TCF4: variants seen among roughly 807,000 people sequenced by gnomAD.
TCF4 encodes the protein SL3-3 enhancer factor 2.
A neutral mutation model predicts 82.1 loss-of-function variants in TCF4; 3 were observed. That is an observed-to-expected ratio of 0.04 (90% confidence interval 0.02 to 0.09). The LOEUF is 0.09. Ranked by LOEUF, TCF4 falls within the 10% of genes least tolerant of loss-of-function variation. TCF4 has a pLI of 1.00. For missense variants in TCF4, 518 were observed against 852.7 expected, an observed-to-expected ratio of 0.61 and a Z score of 4.89; for synonymous variants, 276 against 309.6, an observed-to-expected ratio of 0.89 and a Z score of 1.14.
At chr18:55,316,698 C>T (rs1275816675) in intron 8 of TCF4, among the ~76,000 whole-genome samples, 1 of 151,996 alleles carries the variant, frequency 6.6e-6, no homozygotes, top group Admixed American at 6.6e-5. Flanking sequence ...GATTCTTCAG[C>T]ACAATTTCCT....
Position 55,480,299 on chromosome 18 carries a change from G to C in TCF4, c.146-16162C>G, listed in dbSNP as rs556645265. On this transcript the variant is annotated intron_variant, in intron 3 of 19. Coordinates refer to ENST00000354452, the MANE Select transcript of TCF4 (RefSeq NM_001083962.2). ...TCCAAAAAAAAAAAAAAAAAAAAGCGGGGGGGCGGGGGGAGGATATTATGT... is the reference window on the plus strand; with the variant it reads ...TCCAAAAAAAAAAAAAAAAAAAAGCCGGGGGGCGGGGGGAGGATATTATGT... Among the ~76,000 whole-genome samples the C allele has an allele frequency of 3.5e-4, 38 of 107,776 alleles. 3 individuals carry two copies. The highest frequency in any genetic ancestry group is 1.2e-3 in the African/African-American group (36 of 28,822). 70.7% of individuals were successfully genotyped at this position (107,776 alleles called of 152,430 possible).
intron 8 of TCF4, chr18:55,322,361 C>T (rs2075791097): frequency 9.8e-7 from 1 of 1,019,100 alleles, no homozygotes; most frequent in South Asian, 4.7e-5. Context: ...CTGGCTAGCT[C>T]CCAGCATTGT....
intron 15 of TCF4, among the ~76,000 whole-genome samples, chr18:55,248,980 A>G (rs1237641124): frequency 1.3e-5 from 2 of 152,064 alleles, no homozygotes; most frequent in Non-Finnish European, 2.9e-5. Flanking sequence ...CCTGACCTCG[A>G]GTGATCCACC....
chr18:55,300,572 C>T (rs1042130130), intron 8 of TCF4, among the ~76,000 whole-genome samples: 2 of 152,132 alleles, frequency 1.3e-5, no homozygotes, highest in African/African-American at 4.8e-5. Flanking sequence ...CCTGCAATTG[C>T]TGCAATCAAA....
intron 8 of TCF4, among the ~76,000 whole-genome samples, chr18:55,328,558 C>A (rs1319023265): frequency 6.6e-6 from 1 of 152,168 alleles, no homozygotes; most frequent in Admixed American, 6.5e-5. Flanking sequence ...CTAGATGAAG[C>A]TGGTTAGCGA....
At chr18:55,492,659 C>T (rs139584682) in intron 3 of TCF4, among the ~76,000 whole-genome samples, 280 of 152,314 alleles carry the variant, frequency 1.8e-3, no homozygotes, top group African/African-American at 5.8e-3. Context: ...CTCAAGTCTC[C>T]TGACTTCTTA....
At chr18:55,437,490 C>T (rs898915059) in intron 5 of TCF4, among the ~76,000 whole-genome samples, 1 of 152,088 alleles carries the variant, frequency 6.6e-6, no homozygotes, top group African/African-American at 2.4e-5. Context: ...TTTTTGCACA[C>T]AAATATCTTA....
Position 55,587,940 on chromosome 18 carries a change from G to T in TCF4, c.-21+98C>A, listed in dbSNP as rs1202031411. ...GAGCGCCGGGCGCCGGGAGCCCGCGGCGCGGGAGGCGCGGAGCCGCGTGCG... is the reference window on the plus strand; with the variant it reads ...GAGCGCCGGGCGCCGGGAGCCCGCGTCGCGGGAGGCGCGGAGCCGCGTGCG... On this transcript the variant is annotated intron_variant, in intron 1 of 19. Transcript: ENST00000354452. The T allele has an allele frequency of 8.0e-4, 752 of 939,766 alleles. 20 individuals are homozygous for T. The South Asian group carries it at 0.033, about 41-fold the overall frequency. The allele number at this position is 939,766 out of a possible 1,614,324, so 58.2% of individuals were successfully genotyped here. A position where few individuals can be genotyped will look rare whatever the true frequency, so the allele number is the denominator to read the frequency against.
chr18:55,381,410 C>CT (rs1215945775), intron 6 of TCF4, among the ~76,000 whole-genome samples: 1 of 152,238 alleles, frequency 6.6e-6, no homozygotes, highest in Non-Finnish European at 1.5e-5. Context: ...AGCTTTTAAG[C>CT]TAAGCTTGCT....
intron 6 of TCF4, among the ~76,000 whole-genome samples, chr18:55,365,176 T>TCC (rs2086571312): frequency 7.7e-6 from 1 of 129,416 alleles, no homozygotes; most frequent in Non-Finnish European, 1.6e-5. Context: ...TATATATATA[T>TCC]ATATATATAT....
intron 5 of TCF4, among the ~76,000 whole-genome samples, chr18:55,415,931 A>T (rs921905130): frequency 6.6e-6 from 1 of 152,218 alleles, no homozygotes; most frequent in Non-Finnish European, 1.5e-5. Context: ...CAAATCTATT[A>T]ATTAACTTTT....
At chr18:55,621,650 T>TTATATAATATTA (rs2097719768) in intron 2 of TCF4, among the ~76,000 whole-genome samples, 1 of 74,218 alleles carries the variant, frequency 1.3e-5, no homozygotes, top group African/African-American at 5.2e-5. Context: ...ATAATATACA[T>TTATATAATATTA]TATATAATAT....
At chr18:55,565,080 G>A (rs1472989653) in intron 3 of TCF4, among the ~76,000 whole-genome samples, 1 of 152,190 alleles carries the variant, frequency 6.6e-6, no homozygotes, top group Non-Finnish European at 1.5e-5. Flanking sequence ...GTGTTGTGCA[G>A]AATCTAGAAG....
intron 6 of TCF4, among the ~76,000 whole-genome samples, chr18:55,398,277 A>G (rs1345657420): frequency 6.6e-6 from 1 of 152,220 alleles, no homozygotes; most frequent in East Asian, 1.9e-4. Flanking sequence ...GCTCAGGGAC[A>G]CAGCTGCGAT....
chr18:55,499,763 T>C (rs2958189), intron 3 of TCF4, among the ~76,000 whole-genome samples: 64,019 of 152,056 alleles, frequency 0.42, 14,369 homozygotes, highest in African/African-American at 0.55. Context: ...CAGTGAATAG[T>C]TTCCAAGCCC....
intron 6 of TCF4, among the ~76,000 whole-genome samples, chr18:55,375,165 C>A (rs946474318): frequency 1.3e-5 from 2 of 151,376 alleles, no homozygotes; most frequent in Admixed American, 6.6e-5. Context: ...TTATATTAAA[C>A]CCTGCTTGGC....
chr18:55,298,999 C>A (rs555430447), intron 8 of TCF4, among the ~76,000 whole-genome samples: 1 of 152,214 alleles, frequency 6.6e-6, no homozygotes, highest in African/African-American at 2.4e-5. Context: ...TTTTTAGTTT[C>A]TACTACCTTT....
intron 6 of TCF4, among the ~76,000 whole-genome samples, chr18:55,385,055 C>T (rs1192066961): frequency 6.6e-6 from 1 of 151,964 alleles, no homozygotes; most frequent in Non-Finnish European, 1.5e-5. Context: ...CTCTCTTCCT[C>T]TGCCCCCACC....
chr18:55,337,202 T>TA (rs1331196508), intron 8 of TCF4, among the ~76,000 whole-genome samples: 1 of 152,192 alleles, frequency 6.6e-6, no homozygotes, highest in Non-Finnish European at 1.5e-5. Context: ...TCTTAAGAGA[T>TA]ACACTCTAAT....
Sources: allele counts gnomAD v4.1 joint callset (sites outside exome capture counted in the v4.1 genomes callset), GRCh38; gene constraint gnomAD v4.1.1; transcripts MANE v1.5; gene names NCBI Gene and HGNC (gene_info 2026-07-23, HGNC 2026-07-21).